DMBT1: variants seen among roughly 807,000 people sequenced by gnomAD.
DMBT1 encodes scavenger receptor cysteine-rich domain-containing protein DMBT1.
DMBT1 carries 198 observed loss-of-function variants against 252.9 expected under a neutral mutation model. That is an observed-to-expected ratio of 0.78 (90% CI 0.70 to 0.88). The LOEUF (loss-of-function observed/expected upper bound fraction) is 0.88. DMBT1 is among the 40% of genes least tolerant of loss of function. The pLI is 0.00. For synonymous variants in DMBT1, 990 were observed against 942.7 expected (o/e 1.05, Z -0.92); for missense variants, 2,432 against 2,404.7 (o/e 1.01, Z -0.24).
At chr10:122,618,416 T>C in intron 41 of DMBT1, 76 bp downstream of exon 41, 1 of 1,606,202 alleles carries the variant, frequency 6.2e-7, no homozygotes, top group Non-Finnish European at 8.5e-7. Context: ...TACATTCTGA[T>C]CTCCTCACTC....
intron 10 of DMBT1, 29 bp from the exon 11 acceptor site, chr10:122,580,837 G>A (rs191357371): frequency 1.7e-4 from 280 of 1,613,762 alleles, no homozygotes; most frequent in Non-Finnish European, 2.2e-4. Context: ...TAATGTTCCT[G>A]ATCTGACCTT....
chr10:122,599,239 A>T, intron 26 of DMBT1, 142 bp downstream of exon 26: 1 of 1,478,718 alleles, frequency 6.8e-7, no homozygotes, highest in Admixed American at 2.3e-5. Flanking sequence ...TCTGCTAAGA[A>T]TCCCTATGTA....
intron 10 of DMBT1, 29 bp downstream of exon 10, chr10:122,579,930 T>C (rs1415907641): frequency 1.2e-6 from 2 of 1,613,618 alleles, no homozygotes; most frequent in East Asian, 4.5e-5. Context: ...GGGCTCACTC[T>C]CTTGGGGTGG....
At chr10:122,569,399 A>G (rs1380043450) in intron 2 of DMBT1, among the ~76,000 whole-genome samples, 1 of 152,218 alleles carries the variant, frequency 6.6e-6, no homozygotes, top group Admixed American at 6.5e-5. Context: ...CCTCAATGGA[A>G]AAGAGAACTT....
At position 122,640,311 on chromosome 10, in the gene DMBT1, T is replaced by A. The variant is rs1213153817; in HGVS notation, c.7214T>A (p.Val2405Glu). 4 of 1,613,966 alleles carry A rather than the reference T, an allele frequency of 2.5e-6. No homozygotes were observed. The highest frequency in any genetic ancestry group is 2.5e-6 in the Non-Finnish European group (3 of 1,179,910). ...CCTGTGACCAGCCGCCCTTACTACG[T>A]GGACCTGAACCAGGACTTGTACGTT... The part of the protein sequence containing the change: ...LYPVTSRPYY[V>E]DLNQDLYVQA... The change falls in exon 55 of 56, where the codon GTG (valine) becomes GAG (glutamate). Residue 2405 changes from valine to glutamate, a missense_variant. Coordinates refer to ENST00000338354, the MANE Select transcript of DMBT1 (RefSeq NM_001377530.1).
chr10:122,629,444 A>T (rs2098141860), intron 46 of DMBT1, among the ~76,000 whole-genome samples: 1 of 152,242 alleles, frequency 6.6e-6, no homozygotes, highest in African/African-American at 2.4e-5. Context: ...GCTAGGGAAC[A>T]CACTGTGTTA....
chr10:122,619,198 G>T (rs2098036092), intron 41 of DMBT1, 110 bp from the exon 42 acceptor site: 7 of 1,377,474 alleles, frequency 5.1e-6, no homozygotes, highest in Non-Finnish European at 6.2e-6. Context: ...CTGTGATAGG[G>T]ACTAGGATGG....
chr10:122,593,621 C>G (rs775212807), intron 21 of DMBT1, 23 bp downstream of exon 21: 2 of 1,583,840 alleles, frequency 1.3e-6, no homozygotes, highest in South Asian at 2.3e-5. Context: ...TGTCCTTCCT[C>G]AAAATGTCCC....
At position 122,591,525 on chromosome 10, in the gene DMBT1, A is replaced by G. The variant is rs2097849005; in HGVS notation, c.2176+8A>G. The G allele has an allele frequency of 6.3e-7, 1 of 1,583,692 alleles. No individual in the cohort carries two copies. Among genetic ancestry groups the G allele is most frequent in the South Asian group, 1.2e-5 (1 of 86,590 alleles). On this transcript the variant is annotated splice_region_variant and intron_variant, in intron 19 of 55. Transcript: ENST00000338354. ...TACCTCCATCGACAGTAGGTAAATA[A>G]TCCTCTCACCCCTCCCTAGGGCTCA...
At position 122,621,340 on chromosome 10, in the gene DMBT1, C is replaced by A; in HGVS notation, c.5568C>A (p.His1856Gln). The A allele has an allele frequency of 6.2e-7, 1 of 1,613,858 alleles. No homozygotes were observed. The highest frequency in any genetic ancestry group is 8.5e-7 in the Non-Finnish European group (1 of 1,179,748). ...WSCPHKGWLT[H>Q]NCGHHEDAGV... ...GCCCCCACAAAGGCTGGCTCACCCA[C>A]AACTGTGGCCATCACGAAGACGCTG... The change falls in exon 44 of 56, where the codon CAC becomes CAA. Residue 1856 changes from histidine (H) to glutamine (Q), a missense_variant. This residue lies in a region of DMBT1 where 1,162 missense variants were observed against 1,169.0 expected (regional missense o/e 0.99). Coordinates refer to ENST00000338354, the MANE Select transcript of DMBT1 (RefSeq NM_001377530.1).
At chr10:122,642,669 T>G (rs929672295) in intron 55 of DMBT1, among the ~76,000 whole-genome samples, 5 of 152,030 alleles carry the variant, frequency 3.3e-5, no homozygotes, top group African/African-American at 1.2e-4. Context: ...GGCACTGTAC[T>G]CAGAGTGCAG....
At position 122,629,963 on chromosome 10, in the gene DMBT1, A is replaced by G; in HGVS notation, c.5792A>G (p.Tyr1931Cys). Reference protein sequence around the residue: ...CVWEIEVNSGYRINLGFSNLK... With the variant: ...CVWEIEVNSGCRINLGFSNLK... ...TGGGAAATAGAAGTGAATTCTGGTT[A>G]TCGCATAAACCTGGGCTTCAGTAAT... is the stretch of plus-strand genomic sequence containing the variant. The change falls in exon 47 of 56, where the codon TAT becomes TGT. Residue 1931 changes from tyrosine (Y) to cysteine (C), a missense_variant. By Grantham distance (194) the Tyr-to-Cys change is radical (BLOSUM62 -2). This residue lies in a region of DMBT1 where 1,162 missense variants were observed against 1,169.0 expected (regional missense o/e 0.99). Transcript: ENST00000338354. The G allele has an allele frequency of 1.2e-6, 2 of 1,614,060 alleles. No individual in the cohort carries two copies. The highest frequency in any genetic ancestry group is 1.7e-5 in the Admixed American group (1 of 60,026).
Position 122,589,514 on chromosome 10 carries a change from G to T in DMBT1, c.2107+247G>T, listed in dbSNP as rs2133579821. Among the ~76,000 whole-genome samples the T allele has an allele frequency of 2.0e-5, 3 of 148,378 alleles. 1 individual carries two copies. In the South Asian group the frequency reaches 6.9e-4, roughly 34 times the overall value. Reference sequence around the variant, plus strand: ...TTGTTCCCCTACCAAGGCAGCGCAAGCAGAGGGAGAAGAGGAAAGGGCTGG... The same window carrying T: ...TTGTTCCCCTACCAAGGCAGCGCAATCAGAGGGAGAAGAGGAAAGGGCTGG... On this transcript the variant is annotated intron_variant, in intron 17 of 55. Transcript: ENST00000338354.
chr10:122,600,771 C>T (rs1160692619), intron 27 of DMBT1, among the ~76,000 whole-genome samples: 1 of 152,092 alleles, frequency 6.6e-6, no homozygotes, highest in African/African-American at 2.4e-5. Flanking sequence ...GAAAGATACC[C>T]CAGGATTAGA....
At position 122,601,925 on chromosome 10, in the gene DMBT1, G is replaced by A. The variant is rs748496116; in HGVS notation, c.3472G>A (p.Val1158Met). The A allele has an allele frequency of 2.8e-6, 4 of 1,412,838 alleles. No homozygotes were observed. Among genetic ancestry groups the A allele is most frequent in the Non-Finnish European group, 3.7e-6 (4 of 1,088,028 alleles). The allele number at this position is 1,412,838 out of a possible 1,614,324, so 87.5% of individuals were successfully genotyped here. ...DDYWDTNDANVVCRQLGCGWA... is the reference protein window; with the variant it reads ...DDYWDTNDANMVCRQLGCGWA... ...CTACTGGGACACCAATGATGCCAATGTGGTTTGCAGGCAGCTGGGCTGTGG... is the reference window on the plus strand; with the variant it reads ...CTACTGGGACACCAATGATGCCAATATGGTTTGCAGGCAGCTGGGCTGTGG... The change falls in exon 29 of 56, where the codon GTG (valine) becomes ATG (methionine). Residue 1158 changes from valine (V) to methionine (M), a missense_variant. Transcript: ENST00000338354.
intron 6 of DMBT1, among the ~76,000 whole-genome samples, chr10:122,574,567 T>C (rs770052339): frequency 1.3e-5 from 2 of 152,292 alleles, no homozygotes; most frequent in South Asian, 2.1e-4. Context: ...CTCTTTCCTA[T>C]GATGAAGGAC....
chr10:122,634,377 TTTC>T (rs1424863472), intron 52 of DMBT1, among the ~76,000 whole-genome samples: 1 of 109,900 alleles, frequency 9.1e-6, no homozygotes, highest in Non-Finnish European at 2.0e-5. Context: ...TCTTTCTTTC[TTTC>T]TTTCTTTCTT....
intron 1 of DMBT1, among the ~76,000 whole-genome samples, chr10:122,564,515 TAATG>T (rs1284861207): frequency 2.4e-5 from 2 of 81,918 alleles, no homozygotes; most frequent in African/African-American, 7.3e-5. Context: ...AGAAAAGGAA[TAATG>T]AAAGAAAGTA....
At chr10:122,578,982 G>T (rs1442026842) in intron 9 of DMBT1, among the ~76,000 whole-genome samples, 3 of 152,150 alleles carry the variant, frequency 2.0e-5, no homozygotes, top group Admixed American at 6.5e-5. Flanking sequence ...CTCATGATAG[G>T]ATGAGGCTCA....
Sources: allele counts gnomAD v4.1 joint callset (sites outside exome capture counted in the v4.1 genomes callset), GRCh38; gene constraint gnomAD v4.1.1; regional missense constraint gnomAD v4.1.1; transcripts MANE v1.5; gene names NCBI Gene and HGNC (gene_info 2026-07-23, HGNC 2026-07-21).